TAB2: variants seen among roughly 807,000 people sequenced by gnomAD.
TAB2 encodes the protein TGF-beta activated kinase 1 (MAP3K7) binding protein 2.
Under a neutral mutation model 65.0 loss-of-function variants are expected in TAB2, and 3 were observed. The observed-to-expected ratio is 0.05, with a 90% CI of 0.02 to 0.12. The LOEUF is 0.12. Among genes scored for constraint, TAB2 ranks in the 10% least tolerant of loss-of-function variants. TAB2 has a pLI of 1.00. For synonymous variants in TAB2, 298 were observed against 285.1 expected, an observed-to-expected ratio of 1.05 and a Z score of -0.46; for missense variants, 623 against 840.3, an observed-to-expected ratio of 0.74 and a Z score of 3.20.
At chr6:149,358,095 C>G (rs1034478935) in intron 1 of TAB2, among the ~76,000 whole-genome samples, 6 of 152,150 alleles carry the variant, frequency 3.9e-5, no homozygotes, top group African/African-American at 1.4e-4. Context: ...TAAATTAGAT[C>G]TGCAGTTATG....
At chr6:149,276,749 C>A (rs1215549339) in intron 1 of TAB2, among the ~76,000 whole-genome samples, 3 of 152,178 alleles carry the variant, frequency 2.0e-5, no homozygotes, top group Admixed American at 2.0e-4. Flanking sequence ...TGGAGGCGAT[C>A]TGGCAAAATC....
chr6:149,410,886 C>T lies in TAB2; in HGVS notation c.*1167C>T, dbSNP rs2114982544. ...CAGCAACAGCAGCAGTACCTACAGC[C>T]CTTTTTTTGGAGAGAAGTTTAAATG... On this transcript the variant is annotated 3_prime_UTR_variant, in exon 7 of 7. Transcript: ENST00000637181. The T allele has an allele frequency of 6.6e-6, 1 of 152,576 alleles. No homozygotes were observed. Among genetic ancestry groups the T allele is most frequent in the East Asian group, 1.9e-4 (1 of 5,184 alleles). The allele number at this position is 152,576 out of a possible 1,614,324, so 9.5% of individuals were successfully genotyped here.
At chr6:149,382,336 G>A (rs926509065) in intron 3 of TAB2, among the ~76,000 whole-genome samples, 1 of 152,206 alleles carries the variant, frequency 6.6e-6, no homozygotes, top group Non-Finnish European at 1.5e-5. Flanking sequence ...GGTGGCTCAC[G>A]CCTGTAGTCC....
intron 3 of TAB2, among the ~76,000 whole-genome samples, chr6:149,392,559 C>T (rs1012768801): frequency 6.6e-6 from 1 of 152,200 alleles, no homozygotes. Flanking sequence ...TTTCCAAAGT[C>T]AAGGTTTCTG....
chr6:149,266,972 G>A (rs1323737223), intron 1 of TAB2, among the ~76,000 whole-genome samples: 1 of 152,156 alleles, frequency 6.6e-6, no homozygotes, highest in African/African-American at 2.4e-5. Flanking sequence ...TAGGGCTGGG[G>A]GAGCAAAAGA....
At chr6:149,273,968 G>A (rs1778408074) in intron 1 of TAB2, among the ~76,000 whole-genome samples, 1 of 152,208 alleles carries the variant, frequency 6.6e-6, no homozygotes, top group Non-Finnish European at 1.5e-5. Context: ...ACTTAGTATA[G>A]CAAGAAGACT....
chr6:149,336,362 T>C (rs374647947), intron 1 of TAB2, among the ~76,000 whole-genome samples: 5 of 152,316 alleles, frequency 3.3e-5, no homozygotes, highest in Admixed American at 2.0e-4. Flanking sequence ...TTTTGGCTTA[T>C]CTTGATGTAT....
At chr6:149,253,345 G>A (rs1777898484) in intron 1 of TAB2, among the ~76,000 whole-genome samples, 1 of 152,146 alleles carries the variant, frequency 6.6e-6, no homozygotes, top group African/African-American at 2.4e-5. Context: ...TTTTGGCCAG[G>A]CGCTGTGGCT....
chr6:149,407,286 C>T (rs1782697608), intron 6 of TAB2, among the ~76,000 whole-genome samples: 1 of 152,140 alleles, frequency 6.6e-6, no homozygotes, highest in South Asian at 2.1e-4. Context: ...TATAATCTTC[C>T]TACCCTTTTT....
intron 1 of TAB2, among the ~76,000 whole-genome samples, chr6:149,296,635 G>A (rs1778881789): frequency 6.6e-6 from 1 of 152,152 alleles, no homozygotes; most frequent in South Asian, 2.1e-4. Context: ...TCTCACATAA[G>A]TTATTATTAA....
intron 3 of TAB2, among the ~76,000 whole-genome samples, chr6:149,391,284 T>C (rs1296580798): frequency 6.6e-6 from 1 of 152,154 alleles, no homozygotes; most frequent in Non-Finnish European, 1.5e-5. Context: ...AGATCTTTCT[T>C]TGTCTTTAGT....
intron 1 of TAB2, among the ~76,000 whole-genome samples, chr6:149,362,459 A>G (rs891035694): frequency 1.3e-5 from 2 of 152,150 alleles, no homozygotes; most frequent in African/African-American, 4.8e-5. Flanking sequence ...TCCTGAGGAC[A>G]GCGCTAAGGG....
At position 149,366,890 on chromosome 6, in the gene TAB2, A is replaced by C. The variant is rs577958381; in HGVS notation, c.-89-3019A>C. On this transcript the variant is annotated intron_variant, in intron 1 of 6. Coordinates refer to ENST00000637181, the MANE Select transcript of TAB2 (RefSeq NM_001292034.3). ...ACGTTGAAATTTGTTTTCATGGTTC[A>C]TCCTCCTTTAAATAATAAAAATGTC... is the stretch of plus-strand genomic sequence containing the variant. Among the ~76,000 whole-genome samples, 7 of 152,210 alleles carry C rather than the reference A, an allele frequency of 4.6e-5. No homozygotes were observed. The South Asian group carries it at 1.5e-3, about 32-fold the overall frequency.
chr6:149,361,657 C>T (rs1363486965), intron 1 of TAB2, among the ~76,000 whole-genome samples: 1 of 152,142 alleles, frequency 6.6e-6, no homozygotes, highest in Admixed American at 6.5e-5. Context: ...TGCTTGAATT[C>T]CTCTCCCGAA....
At chr6:149,309,082 G>A (rs79434706) in intron 1 of TAB2, among the ~76,000 whole-genome samples, 4,890 of 151,910 alleles carry the variant, frequency 0.032, 258 homozygotes, top group African/African-American at 0.11. Flanking sequence ...TATTTTCCCC[G>A]TTTTCTGTGT....
chr6:149,237,779 T>C (rs1777528000), intron 1 of TAB2, among the ~76,000 whole-genome samples: 2 of 152,202 alleles, frequency 1.3e-5, no homozygotes, highest in South Asian at 4.1e-4. Flanking sequence ...CTGCCGAGCA[T>C]AGTGGGCTCA....
intron 1 of TAB2, among the ~76,000 whole-genome samples, chr6:149,230,556 A>G (rs1403078120): frequency 6.6e-6 from 1 of 152,236 alleles, no homozygotes; most frequent in Non-Finnish European, 1.5e-5. Flanking sequence ...TGAGGCAAGG[A>G]ATATAGAGTG....
intron 1 of TAB2, among the ~76,000 whole-genome samples, chr6:149,354,690 GTA>G (rs1160333190): frequency 3.9e-5 from 6 of 152,114 alleles, no homozygotes; most frequent in African/African-American, 1.4e-4. Flanking sequence ...GTGTGTTCTT[GTA>G]TGTAAGAGAA....
intron 1 of TAB2, among the ~76,000 whole-genome samples, chr6:149,234,313 T>A (rs1422712066): frequency 7.9e-5 from 12 of 152,204 alleles, no homozygotes; most frequent in Admixed American, 5.9e-4. Flanking sequence ...TAAATCAGAA[T>A]GTTGAAACCA....
Sources: gnomAD v4.1 joint callset for allele counts (sites outside exome capture counted in the v4.1 genomes callset) on GRCh38, gnomAD v4.1.1 for gene constraint, MANE v1.5 for transcripts, NCBI Gene and HGNC (gene_info 2026-07-23, HGNC 2026-07-21) for gene names.